The following JARID2 variants were observed in gnomAD, a reference collection of about 807,000 sequenced individuals.
JARID2 encodes the protein protein Jumonji.
Under a neutral mutation model 125.6 loss-of-function variants are expected in JARID2, and 21 were observed. The ratio of observed to expected loss-of-function variants is 0.17; its 90% CI spans 0.12 to 0.24. The LOEUF is 0.24. JARID2 is among the 10% of genes least tolerant of loss of function. The pLI is 1.00. For missense variants in JARID2, 1,303 were observed against 1,639.6 expected (o/e 0.79, Z 3.55); for synonymous variants, 736 against 661.6 (o/e 1.11, Z -1.73).
chr6:15,476,887 AG>A (rs1353518032), intron 5 of JARID2, among the ~76,000 whole-genome samples: 3 of 152,150 alleles, frequency 2.0e-5, no homozygotes, highest in South Asian at 4.1e-4. Flanking sequence ...TATTTTTTCC[AG>A]GGGGTAAGTG....
chr6:15,517,380 C>T, intron 17 of JARID2, 112 bp downstream of exon 17: 1 of 735,514 alleles, frequency 1.4e-6, no homozygotes, highest in Non-Finnish European at 2.4e-6. Context: ...GTAGTCAGGG[C>T]TCTGCAGGCC....
chr6:15,502,577 A>G (rs1455589527), intron 8 of JARID2, among the ~76,000 whole-genome samples: 2 of 152,212 alleles, frequency 1.3e-5, no homozygotes, highest in Non-Finnish European at 1.5e-5. Flanking sequence ...AGTTGAGGCA[A>G]TGCGGGCTTC....
At chr6:15,390,943 A>T (rs1198197217) in intron 2 of JARID2, among the ~76,000 whole-genome samples, 1 of 152,228 alleles carries the variant, frequency 6.6e-6, no homozygotes, top group Admixed American at 6.5e-5. Flanking sequence ...AAAATGGGAT[A>T]CTAATTTTTT....
chr6:15,333,227 C>T (rs191248221), intron 1 of JARID2, among the ~76,000 whole-genome samples: 10 of 152,188 alleles, frequency 6.6e-5, no homozygotes, highest in East Asian at 1.9e-4. Context: ...CCACCGTGCC[C>T]GGCACATTTA....
intron 1 of JARID2, among the ~76,000 whole-genome samples, chr6:15,298,950 T>C (rs1487677966): frequency 7.2e-6 from 1 of 138,636 alleles, no homozygotes; most frequent in African/African-American, 2.7e-5. Flanking sequence ...ACAAGAGAAG[T>C]TAGTGCTGGG....
intron 1 of JARID2, among the ~76,000 whole-genome samples, chr6:15,362,849 T>G (rs1032235696): frequency 1.3e-5 from 2 of 152,154 alleles, no homozygotes; most frequent in Non-Finnish European, 2.9e-5. Flanking sequence ...TTTAAATAGG[T>G]ATCCAAGGAA....
Position 15,496,750 on chromosome 6 carries a change from C to G in JARID2, c.1525C>G (p.Pro509Ala), listed in dbSNP as rs1340594714. The change falls in exon 7 of 18, where the codon CCA becomes GCA. Residue 509 changes from proline (P) to alanine (A), a missense_variant. By Grantham distance (27) the Pro-to-Ala change is conservative. Coordinates refer to ENST00000341776, the MANE Select transcript of JARID2 (RefSeq NM_004973.4). ...GCGGGCCACGGCCGGGAAGAGCACG[C>G]CAGGCAGACAAGCACATGGCAAGGC... is the stretch of plus-strand genomic sequence containing the variant. ...PKRATAGKST[P>A]GRQAHGKADS... The G allele has an allele frequency of 6.2e-7, 1 of 1,613,624 alleles. No homozygotes were observed. The highest frequency in any genetic ancestry group is 8.5e-7 in the Non-Finnish European group (1 of 1,179,940).
intron 3 of JARID2, among the ~76,000 whole-genome samples, chr6:15,436,993 A>G (rs933606044): frequency 1.3e-5 from 2 of 152,076 alleles, no homozygotes; most frequent in Admixed American, 1.3e-4. Context: ...CAGCATATCC[A>G]GGTCCTTCTT....
At chr6:15,273,731 G>C (rs1291118851) in intron 1 of JARID2, among the ~76,000 whole-genome samples, 2 of 152,104 alleles carry the variant, frequency 1.3e-5, no homozygotes, top group Admixed American at 1.3e-4. Flanking sequence ...AAACAAAACA[G>C]CTGTTTCTCA....
chr6:15,309,855 G>A (rs917712834), intron 1 of JARID2, among the ~76,000 whole-genome samples: 2 of 152,132 alleles, frequency 1.3e-5, no homozygotes, highest in Admixed American at 6.6e-5. Context: ...GCCCAGAGGT[G>A]AGAAGTGGCT....
chr6:15,384,851 G>C (rs1764725401), intron 2 of JARID2, among the ~76,000 whole-genome samples: 1 of 152,138 alleles, frequency 6.6e-6, no homozygotes, highest in Non-Finnish European at 1.5e-5. Flanking sequence ...AGAATTACAG[G>C]TGTGAGCCAC....
In JARID2 at chr6:15,246,504, A is replaced by G. The variant is rs763626432; in HGVS notation, c.-36A>G. 1.1e-5 allele frequency: 18 copies of G among 1,594,450 alleles called. No individual in the cohort carries two copies. In the South Asian group the frequency reaches 1.4e-4, roughly 13 times the overall value. On this transcript the variant is annotated 5_prime_UTR_variant, in exon 1 of 18. Coordinates refer to ENST00000341776, the MANE Select transcript of JARID2 (RefSeq NM_004973.4). Reference sequence around the variant, plus strand: ...CTGACGGCTTTAAATTCATGAAGCAATTGTCCCCTTTTGCAATCAGCATTT... The same window carrying G: ...CTGACGGCTTTAAATTCATGAAGCAGTTGTCCCCTTTTGCAATCAGCATTT...
intron 4 of JARID2, among the ~76,000 whole-genome samples, chr6:15,464,827 C>T (rs1768633020): frequency 6.6e-6 from 1 of 152,298 alleles, no homozygotes; most frequent in Non-Finnish European, 1.5e-5. Context: ...ATGCCAATTA[C>T]CTGAATAGAA....
At chr6:15,467,852 A>T (rs1286389626) in intron 4 of JARID2, among the ~76,000 whole-genome samples, 1 of 152,160 alleles carries the variant, frequency 6.6e-6, no homozygotes, top group East Asian at 1.9e-4. Flanking sequence ...GTTACTTTAA[A>T]ATCCGGAATG....
chr6:15,372,797 C>T (rs917143024), intron 1 of JARID2, among the ~76,000 whole-genome samples: 5 of 151,814 alleles, frequency 3.3e-5, no homozygotes, highest in Non-Finnish European at 7.4e-5. Flanking sequence ...GCCACCTTTC[C>T]CTCTAGGTTC....
intron 16 of JARID2, among the ~76,000 whole-genome samples, chr6:15,516,199 C>G (rs1201658132): frequency 6.6e-6 from 1 of 152,206 alleles, no homozygotes; most frequent in Admixed American, 6.5e-5. Flanking sequence ...ACAACGTGTT[C>G]TCTGTTCCTT....
At chr6:15,323,978 C>T (rs568235574) in intron 1 of JARID2, among the ~76,000 whole-genome samples, 11 of 151,728 alleles carry the variant, frequency 7.2e-5, no homozygotes, top group South Asian at 2.1e-4. Context: ...GTCAGCAGAT[C>T]GAGACCATCC....
At chr6:15,447,082 T>G (rs1767705564) in intron 3 of JARID2, among the ~76,000 whole-genome samples, 1 of 152,304 alleles carries the variant, frequency 6.6e-6, no homozygotes, top group African/African-American at 2.4e-5. Context: ...CTTCTGAACT[T>G]ATTTGAACTT....
At chr6:15,495,840 C>T (rs1232971051) in intron 6 of JARID2, among the ~76,000 whole-genome samples, 4 of 152,136 alleles carry the variant, frequency 2.6e-5, no homozygotes, top group East Asian at 1.9e-4. Context: ...GCAATGGGAA[C>T]GTGAAAATGC....
Sources: allele counts gnomAD v4.1 joint callset (sites outside exome capture counted in the v4.1 genomes callset), GRCh38; gene constraint gnomAD v4.1.1; transcripts MANE v1.5; gene names NCBI Gene and HGNC (gene_info 2026-07-23, HGNC 2026-07-21).